Variants in IL2RA observed in about 807,000 individuals in gnomAD.
IL2RA encodes the protein interleukin-2 receptor subunit alpha.
A neutral mutation model predicts 37.8 loss-of-function variants in IL2RA; 24 were observed. That is an observed-to-expected ratio of 0.63 (90% CI 0.46 to 0.89). The LOEUF is 0.89. IL2RA is among the 40% of genes least tolerant of loss of function. The pLI is 0.00. For missense variants in IL2RA, 319 were observed against 348.6 expected (o/e 0.92, Z 0.68); for synonymous variants, 125 against 114.6 (o/e 1.09, Z -0.58).
At chr10:6,059,750 T>C (rs3118470) in intron 1 of IL2RA, among the ~76,000 whole-genome samples, 43,929 of 152,006 alleles carry the variant, frequency 0.29, 7,238 homozygotes, top group East Asian at 0.48. Context: ...TGGAATCTCA[T>C]TGATGGAAAT....
chr10:6,044,512 G>C lies in IL2RA; in HGVS notation c.64+17576C>G, dbSNP rs576327284. 6.6e-6 allele frequency among the ~76,000 whole-genome samples: 1 copy of C among 152,144 alleles called. No homozygotes were observed. The highest frequency in any genetic ancestry group is 2.4e-5 in the African/African-American group (1 of 41,422). On this transcript the variant is annotated intron_variant, in intron 1 of 7. Coordinates refer to ENST00000379959, the MANE Select transcript of IL2RA (RefSeq NM_000417.3). The surrounding 1 kb of genome is among the most constrained non-coding windows in gnomAD (Gnocchi z 4.5). Reference sequence around the variant, plus strand: ...CACTGCTATGGAAAGGAGCAGGAACGCCTGGGTGTTGCCATGGCAATGGTA... The same window carrying C: ...CACTGCTATGGAAAGGAGCAGGAACCCCTGGGTGTTGCCATGGCAATGGTA...
rs930777163 is a variant in IL2RA at position 6,036,862 on chromosome 10, A to G, written c.65-10837T>C. 2.6e-5 allele frequency among the ~76,000 whole-genome samples: 4 copies of G among 152,174 alleles called. No homozygotes were observed. The highest frequency in any genetic ancestry group is 9.7e-5 in the African/African-American group (4 of 41,436). Reference sequence around the variant, plus strand: ...GGCTGCTCTAGAGCCGGCAGGACGGATGCTGAGGTTGTTCGCAGCAGCGTG... The same window carrying G: ...GGCTGCTCTAGAGCCGGCAGGACGGGTGCTGAGGTTGTTCGCAGCAGCGTG... On this transcript the variant is annotated intron_variant, in intron 1 of 7. Coordinates refer to ENST00000379959, the MANE Select transcript of IL2RA (RefSeq NM_000417.3). This position sits in a 1 kb window ranked among gnomAD's most constrained non-coding sequence, Gnocchi z 6.1.
chr10:6,045,433 T>G (rs986577873), intron 1 of IL2RA, among the ~76,000 whole-genome samples: 1 of 152,104 alleles, frequency 6.6e-6, no homozygotes, highest in Non-Finnish European at 1.5e-5. Context: ...CCATCACATT[T>G]TGGGACCTCA....
At chr10:6,049,465 A>G (rs1420078814) in intron 1 of IL2RA, among the ~76,000 whole-genome samples, 1 of 152,200 alleles carries the variant, frequency 6.6e-6, no homozygotes, top group Admixed American at 6.5e-5. Context: ...TTAGCCAGCT[A>G]TCTGGGCATC....
chr10:6,029,416 C>T lies in IL2RA; in HGVS notation c.65-3391G>A, dbSNP rs12722551. ...CTGACCTCAGGTGATCCACCTGCCT[C>T]GGCCTCCCAAAGTGCTAGGATTACA... On this transcript the variant is annotated intron_variant, in intron 1 of 7. Coordinates refer to ENST00000379959, the MANE Select transcript of IL2RA (RefSeq NM_000417.3). The surrounding 1 kb of genome is among the most constrained non-coding windows in gnomAD (Gnocchi z 4.6). Among the ~76,000 whole-genome samples the T allele has an allele frequency of 0.14, 21,590 of 151,798 alleles. 1,610 individuals are homozygous for T. The highest frequency in any genetic ancestry group is 0.16 in the African/African-American group (6,456 of 41,370).
chr10:6,061,293 G>T (rs959941662), intron 1 of IL2RA, among the ~76,000 whole-genome samples: 2 of 151,962 alleles, frequency 1.3e-5, no homozygotes, highest in African/African-American at 2.4e-5. Context: ...AGGCTGAGGT[G>T]GGAGGATCGC....
rs1010961984 is a variant in IL2RA, at chr10:6,048,934, G to A, written c.64+13154C>T. On this transcript the variant is annotated intron_variant, in intron 1 of 7. Coordinates refer to ENST00000379959, the MANE Select transcript of IL2RA (RefSeq NM_000417.3). This position sits in a 1 kb window ranked among gnomAD's most constrained non-coding sequence, Gnocchi z 5.3. ...GCTCTCCTGCCTTGCGGGACTCTGC[G>A]TGGCTCTTGGAGCTCACCATGTGTT... 5.3e-5 allele frequency among the ~76,000 whole-genome samples: 8 copies of A among 152,208 alleles called. No individual in the cohort carries two copies. The highest frequency in any genetic ancestry group is 1.9e-4 in the African/African-American group (8 of 41,444).
intron 1 of IL2RA, among the ~76,000 whole-genome samples, chr10:6,026,968 T>C (rs1005029120): frequency 6.6e-6 from 1 of 152,184 alleles, no homozygotes; most frequent in Non-Finnish European, 1.5e-5. Flanking sequence ...CCCAGCACCT[T>C]GTCCTCCGGA....
At chr10:6,013,103 C>T (rs1230709193) in intron 7 of IL2RA, among the ~76,000 whole-genome samples, 1 of 152,194 alleles carries the variant, frequency 6.6e-6, no homozygotes, top group African/African-American at 2.4e-5. Flanking sequence ...GCTGGGATTA[C>T]AGGTGTGAGC....
intron 1 of IL2RA, 29 bp downstream of exon 1, chr10:6,062,059 G>A (rs1374074051): frequency 6.2e-7 from 1 of 1,602,056 alleles, no homozygotes; most frequent in Admixed American, 1.7e-5. Flanking sequence ...AGCCTTCCCG[G>A]AATTCCGGGG....
chr10:6,035,537 T>C lies in IL2RA; in HGVS notation c.65-9512A>G, dbSNP rs2132873688. Among the ~76,000 whole-genome samples the C allele has an allele frequency of 6.6e-6, 1 of 152,266 alleles. No individual in the cohort carries two copies. The highest frequency in any genetic ancestry group is 1.9e-4 in the East Asian group (1 of 5,174). ...CTCTGAGCAGGCTATATCTCTATTC[T>C]GGCAATAAAAGTACTCTGGACACTG... On this transcript the variant is annotated intron_variant, in intron 1 of 7. Transcript: ENST00000379959. The surrounding 1 kb of genome is among the most constrained non-coding windows in gnomAD (Gnocchi z 5.4).
rs1589297397 is a variant in IL2RA, at chr10:6,028,968, C to A, written c.65-2943G>T. Among the ~76,000 whole-genome samples the A allele has an allele frequency of 7.2e-6, 1 of 139,122 alleles. No homozygotes were observed. Among genetic ancestry groups the A allele is most frequent in the East Asian group, 2.2e-4 (1 of 4,628 alleles). The allele number at this position is 139,122 out of a possible 152,430, so 91.3% of individuals were successfully genotyped here. A position where few individuals can be genotyped will look rare whatever the true frequency, so the allele number is the denominator to read the frequency against. On this transcript the variant is annotated intron_variant, in intron 1 of 7. Transcript: ENST00000379959. The surrounding 1 kb of genome is among the most constrained non-coding windows in gnomAD (Gnocchi z 4.1). ...CAGCCGAGCACCCCAGCCTGGGTTA[C>A]AGAGTGAGTGAGAGTCTGTCTCAAA... is the stretch of plus-strand genomic sequence containing the variant.
chr10:6,020,040 G>T lies in IL2RA; in HGVS notation c.584-99C>A. The T allele has an allele frequency of 1.0e-6, 1 of 967,202 alleles. No homozygotes were observed. Among genetic ancestry groups the T allele is most frequent in the Non-Finnish European group, 1.7e-6 (1 of 601,052 alleles). 59.9% of individuals were successfully genotyped at this position (967,202 alleles called of 1,614,324 possible). A position where few individuals can be genotyped will look rare whatever the true frequency, so the allele number is the denominator to read the frequency against. ...CAGGCAGCCGGCCCCAGACACGCCC[G>T]AGGAGGCAGGAATCCTGGTGTGGGC... On this transcript the variant is annotated intron_variant, in intron 4 of 7. Coordinates refer to ENST00000379959, the MANE Select transcript of IL2RA (RefSeq NM_000417.3). This position sits in a 1 kb window ranked among gnomAD's most constrained non-coding sequence, Gnocchi z 5.6.
rs1396760930 is a variant in IL2RA at position 6,048,852 on chromosome 10, A to T, written c.64+13236T>A. On this transcript the variant is annotated intron_variant, in intron 1 of 7. Coordinates refer to ENST00000379959, the MANE Select transcript of IL2RA (RefSeq NM_000417.3). The surrounding 1 kb of genome is among the most constrained non-coding windows in gnomAD (Gnocchi z 5.3). The stretch of plus-strand genomic sequence containing the variant: ...AGTTTAAGCCCAGTGACATGGGGAG[A>T]CTCCAAGACACAGCTCATGCCCAAC... 6.6e-6 allele frequency among the ~76,000 whole-genome samples: 1 copy of T among 151,940 alleles called. No individual in the cohort carries two copies. The highest frequency in any genetic ancestry group is 1.5e-5 in the Non-Finnish European group (1 of 67,984).
chr10:6,019,770 C>G (rs1363139707), intron 5 of IL2RA, 100 bp downstream of exon 5: 7 of 1,129,342 alleles, frequency 6.2e-6, no homozygotes, highest in Non-Finnish European at 9.5e-6. Flanking sequence ...GGGCTTCTCC[C>G]CTACAGGTCA....
rs944501977 is a variant in IL2RA, at chr10:6,022,579, C to A, written c.368-886G>T. On this transcript the variant is annotated intron_variant, in intron 3 of 7. Transcript: ENST00000379959. This position sits in a 1 kb window ranked among gnomAD's most constrained non-coding sequence, Gnocchi z 4.7. ...CAACAGAGCCTCTGTAAATATCCTC[C>A]AGAGCCTCTTCCCCAGCAGGAAGCT... 1.3e-5 allele frequency among the ~76,000 whole-genome samples: 2 copies of A among 152,224 alleles called. No individual in the cohort carries two copies. The highest frequency in any genetic ancestry group is 4.8e-5 in the African/African-American group (2 of 41,470).
intron 1 of IL2RA, among the ~76,000 whole-genome samples, chr10:6,045,968 T>C (rs1354602940): frequency 3.3e-5 from 5 of 152,296 alleles, no homozygotes; most frequent in Admixed American, 6.5e-5. Context: ...CTCAGTCCAG[T>C]TGGTGTCAGG....
At position 6,029,127 on chromosome 10, in the gene IL2RA, AT is replaced by A. The variant is rs1233211675; in HGVS notation, c.65-3103del. 1.4e-5 allele frequency among the ~76,000 whole-genome samples: 2 copies of A among 143,436 alleles called. No individual in the cohort carries two copies. The highest frequency in any genetic ancestry group is 3.0e-5 in the Non-Finnish European group (2 of 66,732). 94.1% of individuals were successfully genotyped at this position (143,436 alleles called of 152,430 possible). A position where few individuals can be genotyped will look rare whatever the true frequency, so the allele number is the denominator to read the frequency against. Reference sequence around the variant, plus strand: ...ATGACCTGCAGATTTGCTGCCATTTATTTTATTTATTTATTTATTTATTTAT... The same window carrying A: ...ATGACCTGCAGATTTGCTGCCATTTATTTATTTATTTATTTATTTATTTAT... On this transcript the variant is annotated intron_variant, in intron 1 of 7. Coordinates refer to ENST00000379959, the MANE Select transcript of IL2RA (RefSeq NM_000417.3). This position sits in a 1 kb window ranked among gnomAD's most constrained non-coding sequence, Gnocchi z 4.6.
Position 6,048,131 on chromosome 10 carries a change from C to G in IL2RA, c.64+13957G>C, listed in dbSNP as rs1839895249. ...TCCCGTGGCCCCTGACCCTCAACTG[C>G]CCTTGTCATGTGCCCGTCATGCATC... On this transcript the variant is annotated intron_variant, in intron 1 of 7. Coordinates refer to ENST00000379959, the MANE Select transcript of IL2RA (RefSeq NM_000417.3). The surrounding 1 kb of genome is among the most constrained non-coding windows in gnomAD (Gnocchi z 5.3). 1.3e-5 allele frequency among the ~76,000 whole-genome samples: 2 copies of G among 152,224 alleles called. No homozygotes were observed. The highest frequency in any genetic ancestry group is 2.4e-5 in the African/African-American group (1 of 41,456).
Sources: gnomAD v4.1 joint callset for allele counts (sites outside exome capture counted in the v4.1 genomes callset) on GRCh38, gnomAD v4.1.1 for gene constraint, Gnocchi (gnomAD v3.1) non-coding constraint, MANE v1.5 for transcripts, NCBI Gene and HGNC (gene_info 2026-07-23, HGNC 2026-07-21) for gene names.